The following INPP4B variants were observed in gnomAD, a reference collection of about 807,000 sequenced individuals.
INPP4B encodes the protein inositol polyphosphate-4-phosphatase type II B, also known as inositol polyphosphate 4-phosphatase type II.
A neutral mutation model predicts 122.5 loss-of-function variants in INPP4B; 55 were observed. That is an observed-to-expected ratio of 0.45 (90% CI 0.36 to 0.56). The LOEUF is 0.56. INPP4B is among the 20% of genes least tolerant of loss of function. The pLI is 0.00. For synonymous variants in INPP4B, 403 were observed against 388.7 expected, an observed-to-expected ratio of 1.04 and a Z score of -0.43; for missense variants, 1,000 against 1,097.7, an observed-to-expected ratio of 0.91 and a Z score of 1.26.
chr4:142,746,350 C>T (rs1422905623), intron 1 of INPP4B, among the ~76,000 whole-genome samples: 1 of 151,928 alleles, frequency 6.6e-6, no homozygotes, highest in South Asian at 2.1e-4. Context: ...GAACTACAAA[C>T]CACTGCTCAA....
intron 2 of INPP4B, among the ~76,000 whole-genome samples, chr4:142,598,542 G>T (rs1306362287): frequency 6.6e-6 from 1 of 152,080 alleles, no homozygotes. Context: ...GCACTGGCTA[G>T]ACCCAAGGAT....
intron 20 of INPP4B, 28 bp downstream of exon 20, chr4:142,123,264 T>C (rs1336307333): frequency 5.3e-6 from 8 of 1,523,474 alleles, no homozygotes; most frequent in Non-Finnish European, 7.1e-6. Context: ...AGAAATGTGA[T>C]TTTAACTTGT....
At position 142,028,853 on chromosome 4, in the gene INPP4B, T is replaced by G. The variant is rs756416686; in HGVS notation, c.2704A>C (p.Met902Leu). The G allele has an allele frequency of 6.2e-7, 1 of 1,613,516 alleles. No individual in the cohort carries two copies. Among genetic ancestry groups the G allele is most frequent in the Non-Finnish European group, 8.5e-7 (1 of 1,179,696 alleles). Residue 902 changes from methionine to leucine, a missense_variant, in exon 26 of 26, where the codon ATG (methionine) becomes CTG (leucine). Met to Leu is a conservative substitution (Grantham distance 15). Transcript: ENST00000262992. ...NIKCRKYAFN[M>L]LQLMAFPKYY... is the part of the protein sequence containing the mutation. ...TTGGGGAAAGCCATCAGCTGTAGCA[T>G]GTTGAAAGCATACTTTCTGCATTTG...
At chr4:142,611,151 G>A (rs140783162) in intron 2 of INPP4B, among the ~76,000 whole-genome samples, 135 of 152,266 alleles carry the variant, frequency 8.9e-4, no homozygotes, top group African/African-American at 3.0e-3. Context: ...TACATGGCAG[G>A]AGGAGGAGCA....
chr4:142,660,892 G>A (rs776827280), intron 2 of INPP4B: 33 of 152,492 alleles, frequency 2.2e-4, no homozygotes, highest in Non-Finnish European at 4.1e-4. Flanking sequence ...CCAAAACAGC[G>A]CCCCCTGTCA....
chr4:142,668,693 G>T (rs954243233), intron 2 of INPP4B, among the ~76,000 whole-genome samples: 8 of 152,058 alleles, frequency 5.3e-5, no homozygotes, highest in African/African-American at 1.9e-4. Flanking sequence ...TAGCACTTTT[G>T]TACACTAACA....
rs1806519551 is a variant in INPP4B at position 142,139,385 on chromosome 4, C to T, written c.1720+6455G>A. Among the ~76,000 whole-genome samples the T allele has an allele frequency of 1.3e-5, 2 of 152,160 alleles. 1 individual carries two copies. Among genetic ancestry groups the T allele is most frequent in the South Asian group, 4.1e-4 (2 of 4,826 alleles). The stretch of plus-strand genomic sequence containing the variant: ...GCAATGGCACAATCTCAGCTCACTG[C>T]AACCTCCACCTCCCAGGTTCAAGTG... On this transcript the variant is annotated intron_variant, in intron 18 of 25. Transcript: ENST00000262992.
chr4:142,067,907 G>C (rs1764551699), intron 25 of INPP4B, among the ~76,000 whole-genome samples: 1 of 152,160 alleles, frequency 6.6e-6, no homozygotes, highest in Non-Finnish European at 1.5e-5. Flanking sequence ...AAAACACTCT[G>C]CAGGATATTA....
intron 7 of INPP4B, among the ~76,000 whole-genome samples, chr4:142,327,513 T>C (rs1325668977): frequency 2.0e-5 from 3 of 152,144 alleles, no homozygotes; most frequent in Non-Finnish European, 2.9e-5. Flanking sequence ...AGAGTCCTGT[T>C]TGTGTCCAGG....
chr4:142,837,904 T>G (rs182212017), intron 1 of INPP4B, among the ~76,000 whole-genome samples: 7 of 152,102 alleles, frequency 4.6e-5, no homozygotes, highest in African/African-American at 1.7e-4. Flanking sequence ...CACAGTGTGA[T>G]AGCAAAAACA....
intron 10 of INPP4B, among the ~76,000 whole-genome samples, chr4:142,269,742 T>A (rs908887048): frequency 6.6e-6 from 1 of 152,148 alleles, no homozygotes; most frequent in Non-Finnish European, 1.5e-5. Context: ...AAAATAAGTA[T>A]GTGAGGCGAT....
chr4:142,370,847 A>G (rs536257485), intron 7 of INPP4B, among the ~76,000 whole-genome samples: 25 of 152,206 alleles, frequency 1.6e-4, no homozygotes, highest in Non-Finnish European at 3.1e-4. Context: ...TGTTAAAATA[A>G]TCATATTACC....
At chr4:142,580,895 A>G (rs1362251914) in intron 2 of INPP4B, among the ~76,000 whole-genome samples, 1 of 152,036 alleles carries the variant, frequency 6.6e-6, no homozygotes, top group Non-Finnish European at 1.5e-5. Context: ...GCATTGTTAT[A>G]TGGAACTATA....
At chr4:142,207,870 G>T (rs1385030394) in intron 14 of INPP4B, among the ~76,000 whole-genome samples, 1 of 151,968 alleles carries the variant, frequency 6.6e-6, no homozygotes, top group Non-Finnish European at 1.5e-5. Flanking sequence ...GGTCACTCTG[G>T]ACCACTTTCA....
intron 1 of INPP4B, among the ~76,000 whole-genome samples, chr4:142,794,676 C>G (rs1006256295): frequency 1.3e-5 from 2 of 151,726 alleles, no homozygotes; most frequent in African/African-American, 4.8e-5. Flanking sequence ...ATTTAAGACA[C>G]AATCTGGGAG....
intron 23 of INPP4B, among the ~76,000 whole-genome samples, chr4:142,089,849 A>G (rs1699972446): frequency 6.6e-6 from 1 of 152,180 alleles, no homozygotes; most frequent in Non-Finnish European, 1.5e-5. Context: ...CAAAGCCCTG[A>G]GTTAGGGCAA....
chr4:142,553,660 C>T (rs1560792116), intron 2 of INPP4B, among the ~76,000 whole-genome samples: 4 of 152,208 alleles, frequency 2.6e-5, no homozygotes, highest in Non-Finnish European at 5.9e-5. Flanking sequence ...CTGTACTCCA[C>T]AGTGGTAAAT....
intron 9 of INPP4B, among the ~76,000 whole-genome samples, chr4:142,299,273 A>AGGCTCAAAAAGGGATCCTCCC (rs1760289871): frequency 4.0e-5 from 6 of 150,800 alleles, no homozygotes; most frequent in Non-Finnish European, 7.4e-5. Flanking sequence ...GGGATCCTCC[A>AGGCTCAAAAAGGGATCCTCCC]ACCACAGCCT....
At chr4:142,200,552 C>A (rs1289887006) in intron 14 of INPP4B, among the ~76,000 whole-genome samples, 2 of 151,672 alleles carry the variant, frequency 1.3e-5, no homozygotes, top group African/African-American at 4.9e-5. Context: ...TGCCTCTATT[C>A]TTTATTTTTC....
Sources: allele counts gnomAD v4.1 joint callset (sites outside exome capture counted in the v4.1 genomes callset), GRCh38; gene constraint gnomAD v4.1.1; transcripts MANE v1.5; gene names NCBI Gene and HGNC (gene_info 2026-07-23, HGNC 2026-07-21).